Variants in RBFOX1 observed in about 807,000 individuals in gnomAD.
RBFOX1 encodes RNA binding protein fox-1 homolog 1.
In RBFOX1, 8 loss-of-function variants were observed where a neutral mutation model predicts 57.7. The ratio of observed to expected loss-of-function variants is 0.14; its 90% confidence interval spans 0.08 to 0.25. The LOEUF (loss-of-function observed/expected upper bound fraction) is 0.25. RBFOX1 is among the 10% of genes least tolerant of loss of function. RBFOX1 has a pLI of 1.00. For synonymous variants in RBFOX1, 326 were observed against 222.4 expected, an observed-to-expected ratio of 1.47 and a Z score of -4.15; for missense variants, 611 against 548.5, an observed-to-expected ratio of 1.11 and a Z score of -1.14.
chr16:5,393,041 A>G lies in RBFOX1; in HGVS notation c.220-74175A>G, dbSNP rs2066456945. Among the ~76,000 whole-genome samples the G allele has an allele frequency of 2.0e-5, 3 of 152,064 alleles. No homozygotes were observed. The South Asian group carries it at 6.2e-4, about 32-fold the overall frequency. On this transcript the variant is annotated intron_variant, in intron 1 of 2. Coordinates refer to the RBFOX1 transcript ENST00000585867. ...ACCTTTGAGAAGAGGTGGCTAAAAGACCTCCGAGCATGGGAACCTGGAGGC... is the reference window on the plus strand; with the variant it reads ...ACCTTTGAGAAGAGGTGGCTAAAAGGCCTCCGAGCATGGGAACCTGGAGGC...
intron 5 of RBFOX1, among the ~76,000 whole-genome samples, chr16:7,541,874 C>A (rs375232973): frequency 5.9e-5 from 9 of 152,188 alleles, no homozygotes; most frequent in African/African-American, 2.2e-4. Context: ...AGAAATCTCC[C>A]AGGCCATTCA....
chr16:6,851,318 C>T (rs577497504), intron 3 of RBFOX1, among the ~76,000 whole-genome samples: 2 of 152,164 alleles, frequency 1.3e-5, no homozygotes, highest in South Asian at 4.2e-4. Flanking sequence ...TAGAAGGCGT[C>T]TTTTTGTCTG....
intron 3 of RBFOX1, among the ~76,000 whole-genome samples, chr16:6,846,833 G>T (rs1330809990): frequency 6.6e-6 from 1 of 151,842 alleles, no homozygotes; most frequent in Non-Finnish European, 1.5e-5. Flanking sequence ...TAAGCCTACA[G>T]GATCTTGGAT....
At chr16:7,142,673 G>A (rs1189695197) in intron 4 of RBFOX1, among the ~76,000 whole-genome samples, 1 of 152,064 alleles carries the variant, frequency 6.6e-6, no homozygotes, top group East Asian at 1.9e-4. Flanking sequence ...TAATTATCTT[G>A]TTTGTATATA....
Position 5,265,426 on chromosome 16 carries a change from C to T in RBFOX1, c.219+25321C>T, listed in dbSNP as rs527761141. Among the ~76,000 whole-genome samples the T allele has an allele frequency of 5.9e-5, 9 of 152,296 alleles. No individual in the cohort carries two copies. The East Asian group carries it at 9.6e-4, about 16-fold the overall frequency. On this transcript the variant is annotated intron_variant, in intron 1 of 2. Transcript: ENST00000585867. ...CTGTACCAATTATATTAAAACACGA[C>T]CAATGCTTTTGCTTTGTTGTCCCCC...
intron 4 of RBFOX1, among the ~76,000 whole-genome samples, chr16:7,069,049 G>A (rs1463165712): frequency 6.6e-6 from 1 of 152,210 alleles, no homozygotes; most frequent in Non-Finnish European, 1.5e-5. Flanking sequence ...GTGAATGGAT[G>A]TTTCTAAAGA....
chr16:6,074,677 G>A (rs1300368541), intron 1 of RBFOX1, among the ~76,000 whole-genome samples: 4 of 152,348 alleles, frequency 2.6e-5, no homozygotes, highest in Admixed American at 2.0e-4. Context: ...GTGAGGGTCA[G>A]TGGATGGAGA....
intron 3 of RBFOX1, among the ~76,000 whole-genome samples, chr16:6,935,769 G>C (rs2077263308): frequency 6.6e-6 from 1 of 152,168 alleles, no homozygotes; most frequent in Non-Finnish European, 1.5e-5. Context: ...GTGCTTTGTA[G>C]AGGCGAGGTG....
intron 3 of RBFOX1, among the ~76,000 whole-genome samples, chr16:6,875,116 T>G (rs1272391915): frequency 6.6e-6 from 1 of 152,166 alleles, no homozygotes; most frequent in African/African-American, 2.4e-5. Flanking sequence ...ATTGACTGTG[T>G]TACCCTAAGT....
intron 3 of RBFOX1, among the ~76,000 whole-genome samples, chr16:6,767,959 G>T (rs80316824): frequency 0.041 from 4,410 of 106,428 alleles, 88 homozygotes; most frequent in African/African-American, 0.067. Context: ...AGAAGAAGAA[G>T]AAGAAGAAGA....
At chr16:7,561,021 C>T (rs189542275) in intron 5 of RBFOX1, among the ~76,000 whole-genome samples, 133 of 152,328 alleles carry the variant, frequency 8.7e-4, no homozygotes, top group African/African-American at 3.1e-3. Flanking sequence ...AAGCTAGGAG[C>T]TCCCTACTGG....
At chr16:7,475,779 T>C (rs1255111324) in intron 4 of RBFOX1, among the ~76,000 whole-genome samples, 1 of 152,186 alleles carries the variant, frequency 6.6e-6, no homozygotes, top group East Asian at 1.9e-4. Context: ...TGTTAAAGTA[T>C]TAGGGTAGCT....
At chr16:6,902,603 T>A (rs2068760318) in intron 3 of RBFOX1, among the ~76,000 whole-genome samples, 1 of 152,244 alleles carries the variant, frequency 6.6e-6, no homozygotes, top group Admixed American at 6.5e-5. Context: ...ACACCTGTAA[T>A]CCCAGCTATT....
rs1049943500 is a variant in RBFOX1 at position 7,359,899 on chromosome 16, G to T, written c.28-158248G>T. The stretch of plus-strand genomic sequence containing the variant: ...CTGGGGAGGCTGAGGCAGGGGAATG[G>T]TGTGAACCCAGGAGGCGGAGCTTGC... On this transcript the variant is annotated intron_variant, in intron 4 of 15. Transcript: ENST00000550418. Among the ~76,000 whole-genome samples, 7 of 152,092 alleles carry T rather than the reference G, an allele frequency of 4.6e-5. No homozygotes were observed. In the East Asian group the frequency reaches 1.4e-3, roughly 30 times the overall value.
intron 4 of RBFOX1, among the ~76,000 whole-genome samples, chr16:7,438,612 C>A (rs564071801): frequency 6.6e-6 from 1 of 152,152 alleles, no homozygotes; most frequent in Non-Finnish European, 1.5e-5. Context: ...CTGCATTTAG[C>A]CATTGAAAAT....
At chr16:7,078,610 T>C (rs1361183739) in intron 4 of RBFOX1, among the ~76,000 whole-genome samples, 2 of 151,686 alleles carry the variant, frequency 1.3e-5, no homozygotes, top group Admixed American at 6.6e-5. Context: ...GGCCTCCTGA[T>C]GTGTTGAGAT....
intron 1 of RBFOX1, among the ~76,000 whole-genome samples, chr16:5,412,330 C>T (rs2067043886): frequency 6.6e-6 from 1 of 152,224 alleles, no homozygotes; most frequent in African/African-American, 2.4e-5. Context: ...CTCTTAGCAT[C>T]ATGCTAGGCA....
At chr16:7,411,524 C>A (rs1289920629) in intron 4 of RBFOX1, among the ~76,000 whole-genome samples, 2 of 152,130 alleles carry the variant, frequency 1.3e-5, no homozygotes, top group African/African-American at 2.4e-5. Context: ...AAATCTATAA[C>A]CCCAGTCTAA....
At chr16:5,773,164 A>G (rs572450885) in intron 3 of RBFOX1, among the ~76,000 whole-genome samples, 11 of 152,326 alleles carry the variant, frequency 7.2e-5, no homozygotes, top group Admixed American at 6.5e-5. Context: ...CTCCAGTGCT[A>G]TGCTGAAGGT....
Sources: gnomAD v4.1 joint callset for allele counts (sites outside exome capture counted in the v4.1 genomes callset) on GRCh38, gnomAD v4.1.1 for gene constraint, MANE v1.5 for transcripts, NCBI Gene and HGNC (gene_info 2026-07-23, HGNC 2026-07-21) for gene names.